Variants in TRPM3 observed in about 807,000 individuals in gnomAD.
The protein encoded by TRPM3 is transient receptor potential cation channel subfamily M member 3.
TRPM3 carries 77 observed loss-of-function variants against 181.2 expected under a neutral mutation model. That is an observed-to-expected ratio of 0.42 (90% CI 0.35 to 0.51). The LOEUF (loss-of-function observed/expected upper bound fraction) is 0.51. Ranked by LOEUF, TRPM3 falls within the 20% of genes least tolerant of loss-of-function variation. The pLI is 0.01. For synonymous variants in TRPM3, 745 were observed against 796.4 expected, an observed-to-expected ratio of 0.94 and a Z score of 1.09; for missense variants, 1,759 against 2,196.7, an observed-to-expected ratio of 0.80 and a Z score of 3.98.
At chr9:70,751,017 G>C (rs1343794984) in intron 8 of TRPM3, among the ~76,000 whole-genome samples, 2 of 151,656 alleles carry the variant, frequency 1.3e-5, no homozygotes, top group Non-Finnish European at 2.9e-5. Context: ...ATACCTAAAT[G>C]AGACTTAGCA....
chr9:70,936,285 T>C (rs539538343), intron 1 of TRPM3, among the ~76,000 whole-genome samples: 235 of 152,310 alleles, frequency 1.5e-3, no homozygotes, highest in African/African-American at 5.3e-3. Flanking sequence ...CTTTCAAGGA[T>C]TTTTAAAACA....
At chr9:70,938,483 CTA>C (rs1373603890) in intron 1 of TRPM3, among the ~76,000 whole-genome samples, 1 of 151,860 alleles carries the variant, frequency 6.6e-6, no homozygotes, top group Non-Finnish European at 1.5e-5. Flanking sequence ...TCTTTTTTTT[CTA>C]TCTCTCCGCT....
intron 6 of TRPM3, among the ~76,000 whole-genome samples, chr9:70,813,663 T>C (rs1025916405): frequency 6.6e-6 from 1 of 151,944 alleles, no homozygotes; most frequent in African/African-American, 2.4e-5. Flanking sequence ...AAATAAAAAT[T>C]AGAGAAAAAA....
At chr9:70,921,942 A>AACACACACACACACACACACACACACAC (rs71367238) in intron 1 of TRPM3, among the ~76,000 whole-genome samples, 1 of 139,394 alleles carries the variant, frequency 7.2e-6, no homozygotes, top group Non-Finnish European at 1.5e-5. Context: ...CACACAAACA[A>AACACACACACACACACACACACACACAC]ACACACACAC....
chr9:70,998,989 T>G (rs2097572579), intron 1 of TRPM3, among the ~76,000 whole-genome samples: 2 of 152,198 alleles, frequency 1.3e-5, no homozygotes, highest in African/African-American at 4.8e-5. Flanking sequence ...TTACCAAGCA[T>G]GGTTCTAGCA....
intron 1 of TRPM3, among the ~76,000 whole-genome samples, chr9:70,936,374 T>G (rs2096828484): frequency 6.6e-6 from 1 of 152,222 alleles, no homozygotes; most frequent in African/African-American, 2.4e-5. Context: ...AGGGTGAGAT[T>G]TCCATCCTCT....
chr9:71,056,570 G>A (rs946057110), intron 1 of TRPM3, among the ~76,000 whole-genome samples: 7 of 151,964 alleles, frequency 4.6e-5, no homozygotes, highest in African/African-American at 1.7e-4. Context: ...GACTGTATTT[G>A]GAGATAGGGT....
intron 1 of TRPM3, among the ~76,000 whole-genome samples, chr9:71,026,613 C>G (rs1312381460): frequency 1.3e-5 from 2 of 152,174 alleles, no homozygotes; most frequent in Non-Finnish European, 1.5e-5. Flanking sequence ...CCCACCATTC[C>G]TCCTATCACC....
intron 6 of TRPM3, among the ~76,000 whole-genome samples, chr9:70,790,580 T>C (rs926108741): frequency 3.9e-5 from 6 of 152,226 alleles, no homozygotes; most frequent in Admixed American, 3.9e-4. Context: ...TGCCTCATTT[T>C]AATGGGTAAC....
chr9:70,929,861 T>G (rs530968637), intron 1 of TRPM3, among the ~76,000 whole-genome samples: 2 of 152,180 alleles, frequency 1.3e-5, no homozygotes, highest in Non-Finnish European at 2.9e-5. Context: ...TATACAAAAT[T>G]AGAATTAGGC....
intron 1 of TRPM3, among the ~76,000 whole-genome samples, chr9:70,881,056 T>C (rs1349877614): frequency 6.6e-6 from 1 of 152,170 alleles, no homozygotes; most frequent in Non-Finnish European, 1.5e-5. Flanking sequence ...GGATTCTTTT[T>C]TTAAAATGAC....
intron 1 of TRPM3, among the ~76,000 whole-genome samples, chr9:71,383,894 C>T (rs916975217): frequency 3.3e-5 from 5 of 152,188 alleles, no homozygotes; most frequent in East Asian, 1.9e-4. Flanking sequence ...CTTAATTATG[C>T]ACACAAAACA....
intron 1 of TRPM3, among the ~76,000 whole-genome samples, chr9:71,120,731 C>T (rs1446086605): frequency 6.6e-6 from 1 of 152,140 alleles, no homozygotes; most frequent in African/African-American, 2.4e-5. Flanking sequence ...TGAGGAGAAT[C>T]CTTTGTTCTC....
Position 71,195,528 on chromosome 9 carries a change from T to C in TRPM3, c.183+251125A>G, listed in dbSNP as rs148183980. 3.0e-4 allele frequency among the ~76,000 whole-genome samples: 45 copies of C among 152,174 alleles called. 1 individual carries two copies. In the East Asian group the frequency reaches 8.5e-3, roughly 29 times the overall value. On this transcript the variant is annotated intron_variant, in intron 1 of 24. Transcript: ENST00000357533. ...TTGGTGGGAGTATAAATTAGTTCAA[T>C]CATTGTGGAATGTAGAGTGGAGATT...
intron 1 of TRPM3, among the ~76,000 whole-genome samples, chr9:71,212,453 G>GA (rs35572687): frequency 6.6e-6 from 1 of 151,758 alleles, no homozygotes; most frequent in Admixed American, 6.6e-5. Context: ...AGTATTATAT[G>GA]AAAAAAAAGT....
intron 1 of TRPM3, among the ~76,000 whole-genome samples, chr9:71,198,525 C>A (rs1342124437): frequency 6.6e-6 from 1 of 151,966 alleles, no homozygotes; most frequent in East Asian, 1.9e-4. Context: ...TCTTCCATTT[C>A]TTTGTATCCT....
chr9:71,418,803 T>C (rs1207237964), intron 1 of TRPM3, among the ~76,000 whole-genome samples: 1 of 42,180 alleles, frequency 2.4e-5, no homozygotes, highest in Admixed American at 4.3e-4. Flanking sequence ...TTTGAGATAC[T>C]ATATATATAC....
intron 1 of TRPM3, among the ~76,000 whole-genome samples, chr9:71,444,050 G>A (rs768731366): frequency 9.9e-5 from 15 of 151,820 alleles, no homozygotes; most frequent in Admixed American, 5.9e-4. Flanking sequence ...GTGGTGGTGC[G>A]TGCCTATAAT....
intron 1 of TRPM3, among the ~76,000 whole-genome samples, chr9:71,053,616 T>A (rs1006540225): frequency 6.6e-6 from 1 of 152,080 alleles, no homozygotes; most frequent in African/African-American, 2.4e-5. Flanking sequence ...TGTTGGAGAT[T>A]AGAGAGGTTT....
Sources: gnomAD v4.1 joint callset for allele counts (sites outside exome capture counted in the v4.1 genomes callset) on GRCh38, gnomAD v4.1.1 for gene constraint, MANE v1.5 for transcripts, NCBI Gene and HGNC (gene_info 2026-07-23, HGNC 2026-07-21) for gene names.